The following MIER3 variants were observed in gnomAD, a reference collection of about 807,000 sequenced individuals.
The protein encoded by MIER3 is mesoderm induction early response protein 3.
In MIER3, 9 loss-of-function variants were observed where a neutral mutation model predicts 63.2. The ratio of observed to expected loss-of-function variants is 0.14; its 90% confidence interval spans 0.09 to 0.25. The LOEUF is 0.25. MIER3 is among the 10% of genes least tolerant of loss of function. The pLI, the probability that MIER3 is intolerant of heterozygous loss-of-function variation, is 1.00. For missense variants in MIER3, 512 were observed against 666.2 expected (o/e 0.77, Z 2.55); for synonymous variants, 205 against 224.9 (o/e 0.91, Z 0.79).
Position 56,920,795 on chromosome 5 carries a change from A to T in MIER3, c.*2333T>A, listed in dbSNP as rs1462986503. The T allele has an allele frequency of 6.6e-6, 1 of 152,456 alleles. No homozygotes were observed. Among genetic ancestry groups the T allele is most frequent in the Non-Finnish European group, 1.5e-5 (1 of 67,966 alleles). 9.4% of individuals were successfully genotyped at this position (152,456 alleles called of 1,614,324 possible). On this transcript the variant is annotated 3_prime_UTR_variant, in exon 13 of 13. Transcript: ENST00000381199. Reference sequence around the variant, plus strand: ...AATATTGAATTAGATCTAAAAAGATATGAAGAATTTACACTTATATACAAA... The same window carrying T: ...AATATTGAATTAGATCTAAAAAGATTTGAAGAATTTACACTTATATACAAA...
At chr5:56,941,210 T>G in intron 3 of MIER3, 1 of 904,032 alleles carries the variant, frequency 1.1e-6, no homozygotes, top group Non-Finnish European at 1.3e-6. Context: ...TGATACAATG[T>G]GATGGCTTCA....
intron 2 of MIER3, among the ~76,000 whole-genome samples, chr5:56,950,074 T>C (rs1331188940): frequency 6.6e-6 from 1 of 152,252 alleles, no homozygotes; most frequent in African/African-American, 2.4e-5. Context: ...CCTAAGATCG[T>C]CTCAGCTCAG....
intron 3 of MIER3, among the ~76,000 whole-genome samples, chr5:56,944,387 A>T (rs939486169): frequency 6.6e-5 from 10 of 152,048 alleles, no homozygotes; most frequent in African/African-American, 2.4e-4. Context: ...AAGCTGAGGC[A>T]GGAGAATGGC....
chr5:56,938,808 A>G, intron 4 of MIER3, 75 bp downstream of exon 4: 1 of 1,523,192 alleles, frequency 6.6e-7, no homozygotes, highest in Non-Finnish European at 8.9e-7. Context: ...GAATTATTAA[A>G]TAATACTTTA....
chr5:56,950,546 T>C, intron 2 of MIER3, 82 bp downstream of exon 2: 1 of 1,420,138 alleles, frequency 7.0e-7, no homozygotes, highest in Non-Finnish European at 9.8e-7. Flanking sequence ...GATACATTTC[T>C]ATTGGGAATC....
At chr5:56,937,427 A>G in intron 5 of MIER3, 151 bp downstream of exon 5, 2 of 824,128 alleles carry the variant, frequency 2.4e-6, no homozygotes, top group African/African-American at 1.8e-5. Context: ...TCCCAAAAGA[A>G]AGGTTATAAT....
intron 3 of MIER3, among the ~76,000 whole-genome samples, chr5:56,945,527 A>G (rs1049358242): frequency 2.0e-5 from 3 of 152,236 alleles, no homozygotes; most frequent in African/African-American, 7.2e-5. Flanking sequence ...AGTAATATGC[A>G]TACATTAAAA....
At chr5:56,952,168 C>CGCA (rs1751064115), upstream of MIER3, 4 of 1,151,692 alleles carry the variant, frequency 3.5e-6, no homozygotes, top group Non-Finnish European at 4.3e-6. Flanking sequence ...CTGAGCCAAT[C>CGCA]GCAGCCGCCG....
intron 5 of MIER3, among the ~76,000 whole-genome samples, 197 bp from the exon 6 acceptor site, chr5:56,935,948 G>A (rs1004755181): frequency 1.3e-5 from 2 of 152,042 alleles, no homozygotes; most frequent in African/African-American, 4.8e-5. Flanking sequence ...TATCCTGGCC[G>A]GTGCAGTGGC....
chr5:56,926,482 G>C (rs1291976925), intron 10 of MIER3, among the ~76,000 whole-genome samples: 1 of 151,568 alleles, frequency 6.6e-6, no homozygotes, highest in African/African-American at 2.4e-5. Context: ...ATAAGCATAA[G>C]AAAAGATGGT....
At chr5:56,934,836 G>C (rs1271419453) in intron 7 of MIER3, among the ~76,000 whole-genome samples, 1 of 152,122 alleles carries the variant, frequency 6.6e-6, no homozygotes, top group Non-Finnish European at 1.5e-5. Flanking sequence ...ATATTCCCAA[G>C]TTCAACTAAG....
intron 1 of MIER3, among the ~76,000 whole-genome samples, chr5:56,951,757 G>A (rs1751041887): frequency 6.6e-6 from 1 of 151,464 alleles, no homozygotes; most frequent in African/African-American, 2.4e-5. Context: ...CGGAGGCGCC[G>A]GCGGCCCGCG....
At chr5:56,950,467 CTG>C (rs1750981240) in intron 2 of MIER3, among the ~76,000 whole-genome samples, 159 bp downstream of exon 2, 1 of 152,126 alleles carries the variant, frequency 6.6e-6, no homozygotes, top group South Asian at 2.1e-4. Context: ...AACAGTATAA[CTG>C]TTTCTTCCCC....
chr5:56,937,506 T>A, intron 5 of MIER3, 72 bp downstream of exon 5: 2 of 1,367,398 alleles, frequency 1.5e-6, no homozygotes, highest in Non-Finnish European at 2.0e-6. Flanking sequence ...CACAAATTAC[T>A]GAACACAATA....
intron 10 of MIER3, among the ~76,000 whole-genome samples, chr5:56,926,782 C>T (rs903668052): frequency 2.0e-5 from 3 of 152,082 alleles, no homozygotes; most frequent in Non-Finnish European, 2.9e-5. Flanking sequence ...ATATTTATAG[C>T]TTTAATGATA....
At chr5:56,948,035 G>A (rs755216752) in intron 2 of MIER3, among the ~76,000 whole-genome samples, 4 of 152,176 alleles carry the variant, frequency 2.6e-5, no homozygotes, top group Non-Finnish European at 5.9e-5. Flanking sequence ...CAGAAACTGA[G>A]GTTGGGGGAA....
At chr5:56,928,938 C>T in intron 9 of MIER3, 77 bp from the exon 10 acceptor site, 1 of 945,204 alleles carries the variant, frequency 1.1e-6, no homozygotes, top group South Asian at 1.4e-5. Context: ...GTATGTTTTC[C>T]CTGTAAAAGG....
intron 2 of MIER3, among the ~76,000 whole-genome samples, chr5:56,949,392 C>T (rs1457676586): frequency 6.6e-6 from 1 of 152,184 alleles, no homozygotes; most frequent in Non-Finnish European, 1.5e-5. Context: ...ACAGGTTACA[C>T]TGTCTTTTGG....
intron 8 of MIER3, among the ~76,000 whole-genome samples, chr5:56,932,986 TAATTA>T (rs1343664889): frequency 4.6e-5 from 7 of 152,106 alleles, no homozygotes; most frequent in African/African-American, 1.7e-4. Context: ...TAAGATTAAT[TAATTA>T]AAAGGATATA....
Sources: gnomAD v4.1 joint callset for allele counts (sites outside exome capture counted in the v4.1 genomes callset) on GRCh38, gnomAD v4.1.1 for gene constraint, MANE v1.5 for transcripts, NCBI Gene and HGNC (gene_info 2026-07-23, HGNC 2026-07-21) for gene names.